Variants in RB1 observed in about 807,000 individuals in gnomAD.
RB1 encodes the protein retinoblastoma-associated protein.
Under a neutral mutation model 135.4 loss-of-function variants are expected in RB1, and 18 were observed. That is an observed-to-expected ratio of 0.13 (90% CI 0.09 to 0.20). RB1 has a LOEUF of 0.20. Among genes scored for constraint, RB1 ranks in the 10% least tolerant of loss-of-function variants. The pLI, the probability that RB1 is intolerant of heterozygous loss-of-function variation, is 1.00. For synonymous variants in RB1, 365 were observed against 373.2 expected (o/e 0.98, Z 0.25); for missense variants, 868 against 1,110.0 (o/e 0.78, Z 3.10).
At chr13:48,397,158 G>T (rs924385947) in intron 17 of RB1, among the ~76,000 whole-genome samples, 4 of 152,194 alleles carry the variant, frequency 2.6e-5, no homozygotes, top group African/African-American at 9.6e-5. Context: ...TATACCCAAA[G>T]GATTATAAAT....
In RB1 at chr13:48,307,905, C is replaced by G. The variant is rs1335305569; in HGVS notation, c.264+499C>G. ...AAAAAAATTCCTCCATAAATGCCTC[C>G]CACCAAACTATTTTAAAGCAGGTCT... On this transcript the variant is annotated intron_variant, in intron 2 of 26. Coordinates refer to ENST00000267163, the MANE Select transcript of RB1 (RefSeq NM_000321.3). 2.7e-5 allele frequency among the ~76,000 whole-genome samples: 4 copies of G among 150,720 alleles called. No homozygotes were observed. The East Asian group carries it at 7.8e-4, about 29-fold the overall frequency.
Position 48,453,029 on chromosome 13 carries a change from G to T in RB1, c.1732G>T (p.Asp578Tyr), listed in dbSNP as rs763635151. The change falls in exon 18 of 27, where the codon GAC becomes TAC. Residue 578 changes from aspartate (D) to tyrosine (Y), a missense_variant. Coordinates refer to ENST00000267163, the MANE Select transcript of RB1 (RefSeq NM_000321.3). ...ATTTGATCTTATTAAACAATCAAAG[G>T]ACCGAGAAGGACCAACTGATCACCT... ...PLFDLIKQSK[D>Y]REGPTDHLES... The T allele has an allele frequency of 2.5e-6, 4 of 1,612,882 alleles. No individual in the cohort carries two copies. Among genetic ancestry groups the T allele is most frequent in the Non-Finnish European group, 3.4e-6 (4 of 1,179,588 alleles).
At position 48,319,130 on chromosome 13, in the gene RB1, G is replaced by A. The variant is rs1288457877; in HGVS notation, c.264+11724G>A. The A allele has an allele frequency of 6.6e-6, 4 of 607,334 alleles. No homozygotes were observed. The highest frequency in any genetic ancestry group is 1.2e-5 in the Non-Finnish European group (4 of 331,638). 37.6% of individuals were successfully genotyped at this position (607,334 alleles called of 1,614,324 possible). A position where few individuals can be genotyped will look rare whatever the true frequency, so the allele number is the denominator to read the frequency against. ...CGGGCTCGCTGGAGGCGGAGCTTTG[G>A]TTTCCTTCGGGAGCTTGTGGGGAAT... On this transcript the variant is annotated intron_variant, in intron 2 of 26. Transcript: ENST00000267163. The surrounding 1 kb of genome is among the most constrained non-coding windows in gnomAD (Gnocchi z 5.0).
chr13:48,416,363 A>G (rs991474833), intron 17 of RB1: 1 of 152,292 alleles, frequency 6.6e-6, no homozygotes, highest in African/African-American at 2.4e-5. Flanking sequence ...AAGGGAAGCC[A>G]TGAGGGAATG....
intron 17 of RB1, among the ~76,000 whole-genome samples, chr13:48,438,641 G>T (rs142951488): frequency 6.6e-6 from 1 of 151,848 alleles, no homozygotes; most frequent in Non-Finnish European, 1.5e-5. Flanking sequence ...CTGTGTCCTG[G>T]ATCCACCACT....
rs2138342234 is a variant in RB1 at position 48,463,737 on chromosome 13, A to T, written c.2113A>T (p.Met705Leu). ...ACATCAATTTATTTACTAGATTATGATGTGTTCCATGTATGGCATATGCAA... is the reference window on the plus strand; with the variant it reads ...ACATCAATTTATTTACTAGATTATGTTGTGTTCCATGTATGGCATATGCAA... ...MRDRHLDQIMMCSMYGICKVK... is the reference protein window; with the variant it reads ...MRDRHLDQIMLCSMYGICKVK... Residue 705 changes from methionine to leucine, a missense_variant, in exon 21 of 27, where the codon ATG (methionine) becomes TTG (leucine). Met to Leu is a conservative substitution (Grantham distance 15, BLOSUM62 2). Transcript: ENST00000267163. 1 of 1,528,184 alleles carries T rather than the reference A, an allele frequency of 6.5e-7. No individual in the cohort carries two copies. The highest frequency in any genetic ancestry group is 9.1e-7 in the Non-Finnish European group (1 of 1,102,194). The allele number at this position is 1,528,184 out of a possible 1,614,324, so 94.7% of individuals were successfully genotyped here.
chr13:48,327,243 A>G (rs1593426195), intron 2 of RB1, among the ~76,000 whole-genome samples: 1 of 151,892 alleles, frequency 6.6e-6, no homozygotes, highest in Non-Finnish European at 1.5e-5. Flanking sequence ...CTTAAGCAAT[A>G]TGTACATTTA....
intron 17 of RB1, chr13:48,412,149 G>A: frequency 6.2e-7 from 1 of 1,613,912 alleles, no homozygotes; most frequent in South Asian, 1.1e-5. Flanking sequence ...CAGCATCACA[G>A]AAATCTTACA....
At chr13:48,375,270 A>G (rs1952809224) in intron 12 of RB1, among the ~76,000 whole-genome samples, 1 of 152,172 alleles carries the variant, frequency 6.6e-6, no homozygotes, top group African/African-American at 2.4e-5. Context: ...TAAGTTGCAT[A>G]TGTCAAAGTG....
chr13:48,458,718 G>A lies in RB1; in HGVS notation c.1961-970G>A, dbSNP rs373084915. 1.8e-4 allele frequency among the ~76,000 whole-genome samples: 27 copies of A among 152,234 alleles called. 2 individuals carry two copies. The highest frequency in any genetic ancestry group is 6.5e-4 in the African/African-American group (27 of 41,512). ...AAAAATTTCAAATTACCTCATGCAA[G>A]TCGTTGAAAGAGATATATAAAAGGT... On this transcript the variant is annotated intron_variant, in intron 19 of 26. Coordinates refer to ENST00000267163, the MANE Select transcript of RB1 (RefSeq NM_000321.3).
intron 2 of RB1, among the ~76,000 whole-genome samples, chr13:48,321,249 A>G (rs1376116000): frequency 6.6e-6 from 1 of 150,730 alleles, no homozygotes; most frequent in Non-Finnish European, 1.5e-5. Context: ...TTTTGGTGAC[A>G]CTCCCTTTTT....
At chr13:48,354,571 A>T (rs1253665263) in intron 6 of RB1, among the ~76,000 whole-genome samples, 3 of 152,188 alleles carry the variant, frequency 2.0e-5, no homozygotes, top group Non-Finnish European at 4.4e-5. Context: ...CTTCACAGAA[A>T]TAGAAAAAAC....
rs529637708 is a variant in RB1 at position 48,433,913 on chromosome 13, A to C, written c.1696-19080A>C. On this transcript the variant is annotated intron_variant, in intron 17 of 26. Transcript: ENST00000267163. Reference sequence around the variant, plus strand: ...TATACATATATACTTTTTTTCAGATAGGGTCTTGCTATGTTGCCCAGGCTG... The same window carrying C: ...TATACATATATACTTTTTTTCAGATCGGGTCTTGCTATGTTGCCCAGGCTG... Among the ~76,000 whole-genome samples the C allele has an allele frequency of 3.3e-5, 5 of 151,628 alleles. No homozygotes were observed. The South Asian group carries it at 6.2e-4, about 19-fold the overall frequency.
intron 2 of RB1, among the ~76,000 whole-genome samples, chr13:48,329,457 G>A (rs904820037): frequency 9.9e-5 from 15 of 152,136 alleles, no homozygotes; most frequent in African/African-American, 3.6e-4. Flanking sequence ...TTACTATACT[G>A]CGTTGAATTT....
intron 6 of RB1, among the ~76,000 whole-genome samples, chr13:48,356,673 C>T (rs1390599866): frequency 6.6e-6 from 1 of 151,920 alleles, no homozygotes; most frequent in Non-Finnish European, 1.5e-5. Flanking sequence ...ATAATTATTG[C>T]ATTTGGTTAG....
chr13:48,368,703 A>G (rs991404711), intron 11 of RB1, 99 bp downstream of exon 11: 8 of 1,480,782 alleles, frequency 5.4e-6, no homozygotes, highest in African/African-American at 1.4e-5. Context: ...TCATACATAC[A>G]TGTAAGAAAT....
chr13:48,342,791 G>A (rs1459104493), intron 3 of RB1, 77 bp downstream of exon 3: 1 of 979,584 alleles, frequency 1.0e-6, no homozygotes, highest in Admixed American at 2.0e-5. Context: ...ATAGACTTTT[G>A]TGAATTAGTG....
At chr13:48,379,542 T>C (rs1299291212) in intron 13 of RB1, 52 bp from the exon 14 acceptor site, 22 of 1,576,212 alleles carry the variant, frequency 1.4e-5, no homozygotes, top group Non-Finnish European at 1.5e-5. Flanking sequence ...AATTTCATAA[T>C]TGTGATTTTC....
chr13:48,303,947 C>T lies in RB1; in HGVS notation c.35C>T (p.Thr12Ile), dbSNP rs2138027197. 1 of 1,509,516 alleles carries T rather than the reference C, an allele frequency of 6.6e-7. No individual in the cohort carries two copies. The highest frequency in any genetic ancestry group is 8.8e-7 in the Non-Finnish European group (1 of 1,136,526). 93.5% of individuals were successfully genotyped at this position (1,509,516 alleles called of 1,614,324 possible). A position where few individuals can be genotyped will look rare whatever the true frequency, so the allele number is the denominator to read the frequency against. ...AAAACCCCCCGAAAAACGGCCGCCA[C>T]CGCCGCCGCTGCCGCCGCGGAACCC... Reference protein sequence around the residue: ...PPKTPRKTAATAAAAAAEPPA... With the variant: ...PPKTPRKTAAIAAAAAAEPPA... The change falls in exon 1 of 27, where the codon ACC becomes ATC. Residue 12 changes from threonine (T) to isoleucine (I), a missense_variant. By Grantham distance (89) the Thr-to-Ile change is moderately conservative. This residue lies in a region of RB1 where 641 missense variants were observed against 791.3 expected (regional missense o/e 0.81). Transcript: ENST00000267163.
Sources: gnomAD v4.1 joint callset for allele counts (sites outside exome capture counted in the v4.1 genomes callset) on GRCh38, gnomAD v4.1.1 for gene constraint, gnomAD v4.1.1 regional missense constraint, Gnocchi (gnomAD v3.1) non-coding constraint, MANE v1.5 for transcripts, NCBI Gene and HGNC (gene_info 2026-07-23, HGNC 2026-07-21) for gene names.